Variants in NRXN3 observed in about 807,000 individuals in gnomAD.
NRXN3 encodes neurexin 3.
NRXN3 carries 32 observed loss-of-function variants against 137.6 expected under a neutral mutation model. That is an observed-to-expected ratio of 0.23 (90% CI 0.18 to 0.31). NRXN3 has a LOEUF of 0.31. Among genes scored for constraint, NRXN3 ranks in the 10% least tolerant of loss-of-function variants. NRXN3 has a pLI of 1.00. For synonymous variants in NRXN3, 798 were observed against 784.5 expected, an observed-to-expected ratio of 1.02 and a Z score of -0.29; for missense variants, 1,574 against 2,062.5, an observed-to-expected ratio of 0.76 and a Z score of 4.59.
chr14:78,549,966 C>T (rs1331236537), intron 4 of NRXN3, among the ~76,000 whole-genome samples: 1 of 151,978 alleles, frequency 6.6e-6, no homozygotes, highest in African/African-American at 2.4e-5. Flanking sequence ...AAAAAAGCAC[C>T]TCTAGGATCT....
At chr14:78,965,367 A>T (rs2099415440) in intron 11 of NRXN3, among the ~76,000 whole-genome samples, 1 of 152,156 alleles carries the variant, frequency 6.6e-6, no homozygotes, top group South Asian at 2.1e-4. Context: ...AAGTGTAATG[A>T]CCGCTTTTTA....
chr14:79,502,851 T>C (rs17763953), intron 16 of NRXN3, among the ~76,000 whole-genome samples: 77,545 of 151,600 alleles, frequency 0.51, 21,658 homozygotes, highest in African/African-American at 0.76. Context: ...CTCTCCCATG[T>C]TCATTTCTCA....
intron 19 of NRXN3, among the ~76,000 whole-genome samples, chr14:79,754,567 C>T (rs1275705442): frequency 8.3e-6 from 1 of 120,700 alleles, no homozygotes; most frequent in Non-Finnish European, 1.6e-5. Context: ...TATATATGCA[C>T]ACATACACAC....
At chr14:78,643,053 A>G (rs2097651047) in intron 4 of NRXN3, among the ~76,000 whole-genome samples, 1 of 152,174 alleles carries the variant, frequency 6.6e-6, no homozygotes, top group Non-Finnish European at 1.5e-5. Context: ...CTCTTCTTTA[A>G]CTCCCTGGAG....
At chr14:78,514,873 T>A (rs1359445853) in intron 4 of NRXN3, among the ~76,000 whole-genome samples, 2 of 152,084 alleles carry the variant, frequency 1.3e-5, no homozygotes, top group Non-Finnish European at 2.9e-5. Context: ...GCCATTCTTG[T>A]GAAAGATCTG....
chr14:78,873,815 C>T (rs554796572), intron 10 of NRXN3, among the ~76,000 whole-genome samples: 7 of 152,202 alleles, frequency 4.6e-5, no homozygotes, highest in Admixed American at 1.3e-4. Context: ...ACACAATCTA[C>T]GTTTTAATGA....
intron 20 of NRXN3, among the ~76,000 whole-genome samples, chr14:79,832,025 A>G (rs1413225537): frequency 6.6e-6 from 1 of 152,098 alleles, no homozygotes; most frequent in African/African-American, 2.4e-5. Context: ...CCTGATACCA[A>G]AATCTGCAGA....
chr14:79,519,917 T>G (rs1458108162), intron 16 of NRXN3, among the ~76,000 whole-genome samples: 3 of 152,064 alleles, frequency 2.0e-5, no homozygotes, highest in Non-Finnish European at 2.9e-5. Context: ...CCTTATAAAT[T>G]ATGCTATTTA....
intron 15 of NRXN3, among the ~76,000 whole-genome samples, chr14:79,166,686 G>T (rs759072269): frequency 2.6e-5 from 4 of 151,562 alleles, no homozygotes; most frequent in South Asian, 4.2e-4. Context: ...TCTTAGGAAG[G>T]ATGTGTGGAA....
chr14:79,593,131 A>G (rs1468272640), intron 16 of NRXN3, among the ~76,000 whole-genome samples: 3 of 152,080 alleles, frequency 2.0e-5, no homozygotes. Context: ...TTCATAGAGA[A>G]TCATTGAAAA....
At chr14:78,734,627 G>T (rs2098533388) in intron 8 of NRXN3, among the ~76,000 whole-genome samples, 1 of 152,188 alleles carries the variant, frequency 6.6e-6, no homozygotes, top group African/African-American at 2.4e-5. Context: ...TGGAGAGCCA[G>T]CCCTAGTTGA....
intron 8 of NRXN3, among the ~76,000 whole-genome samples, chr14:78,766,038 C>T (rs1301647484): frequency 6.6e-6 from 1 of 152,208 alleles, no homozygotes; most frequent in Non-Finnish European, 1.5e-5. Flanking sequence ...CCTAGCCCAT[C>T]AAGCAGTCTG....
chr14:78,410,486 G>A (rs1482001703), intron 4 of NRXN3, among the ~76,000 whole-genome samples: 1 of 152,140 alleles, frequency 6.6e-6, no homozygotes, highest in Non-Finnish European at 1.5e-5. Flanking sequence ...ACATAAGCTG[G>A]CTTTTTCAAT....
intron 10 of NRXN3, among the ~76,000 whole-genome samples, chr14:78,827,696 GCCTT>G (rs2098970870): frequency 6.6e-6 from 1 of 152,146 alleles, no homozygotes; most frequent in South Asian, 2.1e-4. Context: ...CCTTGTTCCT[GCCTT>G]CCTTCTGATT....
intron 10 of NRXN3, among the ~76,000 whole-genome samples, chr14:78,923,834 C>G (rs2099277707): frequency 6.6e-6 from 1 of 152,220 alleles, no homozygotes; most frequent in Non-Finnish European, 1.5e-5. Context: ...AATCTTCCAA[C>G]TGGGTTGACA....
chr14:79,471,421 GCTCCACAGTATTC>G (rs921738022), intron 16 of NRXN3, among the ~76,000 whole-genome samples: 3 of 152,162 alleles, frequency 2.0e-5, no homozygotes, highest in African/African-American at 7.2e-5. Context: ...TCTGCTTTAA[GCTCCACAGTATTC>G]CTCCACACGT....
intron 19 of NRXN3, among the ~76,000 whole-genome samples, chr14:79,705,097 G>A (rs1198092382): frequency 1.3e-5 from 2 of 152,148 alleles, no homozygotes; most frequent in African/African-American, 4.8e-5. Context: ...CAATTAGGAT[G>A]TAATATTTAC....
chr14:78,800,947 G>A (rs1024047725), intron 8 of NRXN3, among the ~76,000 whole-genome samples: 5 of 152,134 alleles, frequency 3.3e-5, no homozygotes, highest in Middle Eastern at 3.4e-3. Flanking sequence ...ATTTTATTCC[G>A]GTCTCAAACT....
At chr14:79,694,428 C>G (rs901880535) in intron 18 of NRXN3, among the ~76,000 whole-genome samples, 1 of 151,872 alleles carries the variant, frequency 6.6e-6, no homozygotes, top group Non-Finnish European at 1.5e-5. Context: ...AAGTAACCTG[C>G]TACAATTCCT....
Sources: gnomAD v4.1 joint callset for allele counts (sites outside exome capture counted in the v4.1 genomes callset) on GRCh38, gnomAD v4.1.1 for gene constraint, MANE v1.5 for transcripts, NCBI Gene and HGNC (gene_info 2026-07-23, HGNC 2026-07-21) for gene names.